The following AGR3 variants were observed in gnomAD, a reference collection of about 807,000 sequenced individuals.
The protein encoded by AGR3 is anterior gradient 3, protein disulphide isomerase family member.
In AGR3, 37 loss-of-function variants were observed where a neutral mutation model predicts 24.5. The observed-to-expected ratio is 1.51, with a 90% CI of 1.16 to 1.99. The LOEUF is 1.99. Among genes scored for constraint, AGR3 ranks in the 30% most tolerant of loss-of-function variants. The pLI is 0.00. For synonymous variants in AGR3, 75 were observed against 61.6 expected, an observed-to-expected ratio of 1.22 and a Z score of -1.02; for missense variants, 228 against 191.1, an observed-to-expected ratio of 1.19 and a Z score of -1.14.
At chr7:16,878,228 T>C (rs1478571474) in intron 2 of AGR3, among the ~76,000 whole-genome samples, 1 of 152,174 alleles carries the variant, frequency 6.6e-6, no homozygotes, top group Non-Finnish European at 1.5e-5. Context: ...AATCATTATT[T>C]TCTAGGACTC....
At chr7:16,867,347 A>G (rs1190548382) in intron 3 of AGR3, among the ~76,000 whole-genome samples, 1 of 152,098 alleles carries the variant, frequency 6.6e-6, no homozygotes, top group African/African-American at 2.4e-5. Flanking sequence ...CTATCTATCT[A>G]TGGAGTTTGT....
chr7:16,857,484 A>C (rs1344067533), downstream of AGR3, among the ~76,000 whole-genome samples: 1 of 152,184 alleles, frequency 6.6e-6, no homozygotes, highest in Non-Finnish European at 1.5e-5. Flanking sequence ...ACTGCAAATA[A>C]CTGCTAACAT....
At chr7:16,866,047 T>A in intron 3 of AGR3, 3 of 634,868 alleles carry the variant, frequency 4.7e-6, no homozygotes, top group Non-Finnish European at 8.8e-6. Context: ...CATGGTTCAT[T>A]TTCAGACAGA....
At chr7:16,880,108 TTTCCTTCC>T (rs3052034) in intron 1 of AGR3, among the ~76,000 whole-genome samples, 3 of 135,756 alleles carry the variant, frequency 2.2e-5, no homozygotes, top group African/African-American at 8.6e-5. Flanking sequence ...TCCTTCCTTC[TTTCCTTCC>T]TTCCTTCCTT....
downstream of AGR3, among the ~76,000 whole-genome samples, chr7:16,857,420 T>A (rs1369452160): frequency 6.6e-6 from 1 of 152,208 alleles, no homozygotes; most frequent in Admixed American, 6.5e-5. Flanking sequence ...ATGTTCAATG[T>A]TATTTATTAA....
Position 16,859,442 on chromosome 7 carries a change from A to T in AGR3, c.*140T>A, listed in dbSNP as rs1349961348. 1.6e-6 allele frequency: 1 copy of T among 607,060 alleles called. No homozygotes were observed. The highest frequency in any genetic ancestry group is 2.9e-6 in the Non-Finnish European group (1 of 347,988). 37.6% of individuals were successfully genotyped at this position (607,060 alleles called of 1,614,324 possible). On this transcript the variant is annotated 3_prime_UTR_variant, in exon 8 of 8. Coordinates refer to ENST00000310398, the MANE Select transcript of AGR3 (RefSeq NM_176813.5). ...TTTAAAAAACATTTATTTTAATAAG[A>T]CTATTGCAAACACATTAAAAAAACT... is the stretch of plus-strand genomic sequence containing the variant.
intron 3 of AGR3, among the ~76,000 whole-genome samples, chr7:16,871,444 C>A (rs180840059): frequency 1.3e-5 from 2 of 151,920 alleles, no homozygotes; most frequent in Non-Finnish European, 2.9e-5. Flanking sequence ...TTAAAATTAA[C>A]GGAGAGTGGA....
intron 3 of AGR3, chr7:16,866,054 C>T: frequency 1.6e-6 from 1 of 627,412 alleles, no homozygotes; most frequent in Non-Finnish European, 3.0e-6. Flanking sequence ...CATTTTCAGA[C>T]AGATAGTCTT....
At chr7:16,862,585 A>G in intron 4 of AGR3, 25 bp downstream of exon 4, 1 of 1,421,500 alleles carries the variant, frequency 7.0e-7, no homozygotes, top group Non-Finnish European at 9.4e-7. Flanking sequence ...ATATATTATA[A>G]TAAGATATCA....
intron 2 of AGR3, among the ~76,000 whole-genome samples, chr7:16,876,812 A>G (rs934092782): frequency 6.6e-6 from 1 of 152,246 alleles, no homozygotes; most frequent in African/African-American, 2.4e-5. Context: ...ACATTCAACA[A>G]GAGTTTTAAA....
downstream of AGR3, among the ~76,000 whole-genome samples, chr7:16,855,398 AGAATTCATTCCAGAAAAGT>A (rs948131944): frequency 4.0e-5 from 6 of 148,498 alleles, no homozygotes; most frequent in East Asian, 2.0e-4. Context: ...CTAAACTTCT[AGAATTCATTCCAGAAAAGT>A]GAATTCATTC....
At chr7:16,864,336 A>AGGCT in intron 3 of AGR3, 1 of 1,363,470 alleles carries the variant, frequency 7.3e-7, no homozygotes. Context: ...AAAAGAGCTG[A>AGGCT]GGCTGGCTGG....
At chr7:16,878,873 G>C (rs1782048079) in intron 1 of AGR3, among the ~76,000 whole-genome samples, 1 of 152,178 alleles carries the variant, frequency 6.6e-6, no homozygotes, top group South Asian at 2.1e-4. Flanking sequence ...AGCCTCCTGG[G>C]CATGGTGCTG....
chr7:16,871,711 ATGTGCCTAT>A (rs1781868007), intron 3 of AGR3, among the ~76,000 whole-genome samples: 1 of 152,050 alleles, frequency 6.6e-6, no homozygotes, highest in African/African-American at 2.4e-5. Flanking sequence ...GCATGGTGGC[ATGTGCCTAT>A]AATCCCAGCT....
intron 3 of AGR3, among the ~76,000 whole-genome samples, chr7:16,867,702 G>A (rs534339080): frequency 1.8e-4 from 27 of 152,206 alleles, no homozygotes; most frequent in Middle Eastern, 3.4e-3. Context: ...GTTTCTATGA[G>A]TTTGACTTTT....
At chr7:16,876,699 A>C (rs1470187281) in intron 2 of AGR3, among the ~76,000 whole-genome samples, 1 of 152,226 alleles carries the variant, frequency 6.6e-6, no homozygotes, top group Non-Finnish European at 1.5e-5. Flanking sequence ...TTCTCAGCTA[A>C]TATCAGTCAT....
chr7:16,881,389 C>G (rs149331517), intron 1 of AGR3, among the ~76,000 whole-genome samples: 1 of 152,112 alleles, frequency 6.6e-6, no homozygotes, highest in African/African-American at 2.4e-5. Flanking sequence ...GAATAAATAA[C>G]GCTTTCCTTG....
Position 16,866,114 on chromosome 7 carries a change from T to G in AGR3, c.174-3452A>C, listed in dbSNP as rs1011202348. 5.4e-6 allele frequency: 3 copies of G among 558,952 alleles called. No individual in the cohort carries two copies. In the Admixed American group the frequency reaches 7.5e-5, roughly 14 times the overall value. The allele number at this position is 558,952 out of a possible 1,614,324, so 34.6% of individuals were successfully genotyped here. On this transcript the variant is annotated intron_variant, in intron 3 of 7. Coordinates refer to ENST00000310398, the MANE Select transcript of AGR3 (RefSeq NM_176813.5). The stretch of plus-strand genomic sequence containing the variant: ...GTTCTAAGGAAGACAGATTTCCTAT[T>G]TTTCTAGCTGGAAATATCTTACTTT...
In AGR3 at chr7:16,860,587, T is replaced by C; in HGVS notation, c.368-4A>G. ...GCTCTAACTGTTAAAGAAGGGTCTG[T>C]CAAGGAAAAAACCAAGTCACGAAAG... On this transcript the variant is annotated splice_region_variant and splice_polypyrimidine_tract_variant and intron_variant, in intron 6 of 7. Coordinates refer to ENST00000310398, the MANE Select transcript of AGR3 (RefSeq NM_176813.5). The C allele has an allele frequency of 6.2e-7, 1 of 1,606,804 alleles. No individual in the cohort carries two copies. The highest frequency in any genetic ancestry group is 8.5e-7 in the Non-Finnish European group (1 of 1,176,738).
Sources: allele counts gnomAD v4.1 joint callset (sites outside exome capture counted in the v4.1 genomes callset), GRCh38; gene constraint gnomAD v4.1.1; transcripts MANE v1.5; gene names NCBI Gene and HGNC (gene_info 2026-07-23, HGNC 2026-07-21).